The following YWHAZ variants were observed in gnomAD, a reference collection of about 807,000 sequenced individuals.
The protein encoded by YWHAZ is tyrosine 3-monooxygenase/tryptophan 5-monooxygenase activation protein zeta.
For missense variants in YWHAZ, 79 were observed against 284.8 expected (o/e 0.28, Z 5.20); for synonymous variants, 87 against 103.6 (o/e 0.84, Z 0.97).
At chr8:100,937,274 C>A (rs1161074699) in intron 2 of YWHAZ, among the ~76,000 whole-genome samples, 1 of 151,586 alleles carries the variant, frequency 6.6e-6, no homozygotes, top group Non-Finnish European at 1.5e-5. Context: ...CTTTTTCATA[C>A]CCTTTATATG....
At chr8:100,944,894 T>C (rs1475364491) in intron 2 of YWHAZ, among the ~76,000 whole-genome samples, 1 of 152,204 alleles carries the variant, frequency 6.6e-6, no homozygotes, top group Non-Finnish European at 1.5e-5. Context: ...AAAACTAGTT[T>C]GACTCAGTAT....
chr8:100,926,533 T>C (rs1236191176), intron 2 of YWHAZ, among the ~76,000 whole-genome samples: 3 of 152,168 alleles, frequency 2.0e-5, no homozygotes, highest in African/African-American at 7.2e-5. Flanking sequence ...GCAGGAGAAC[T>C]GCTTGAGCCC....
intron 2 of YWHAZ, among the ~76,000 whole-genome samples, chr8:100,926,967 G>T (rs1244460522): frequency 1.3e-5 from 2 of 152,104 alleles, no homozygotes; most frequent in Non-Finnish European, 2.9e-5. Flanking sequence ...AGTGGCTTTG[G>T]GGTGAGTCTG....
At chr8:100,952,999 TG>T, upstream of YWHAZ, 2 of 996,730 alleles carry the variant, frequency 2.0e-6, no homozygotes, top group Non-Finnish European at 2.4e-6. Context: ...GGACAATGGG[TG>T]GGCGCCGAGG....
At chr8:100,951,534 G>A (rs1476352346) in intron 1 of YWHAZ, 4 of 985,488 alleles carry the variant, frequency 4.1e-6, no homozygotes, top group Admixed American at 6.1e-5. Flanking sequence ...CGAGGGAGGG[G>A]GTGGAAGCCC....
Position 100,925,055 on chromosome 8 carries a change from A to C in YWHAZ, c.295-16T>G, listed in dbSNP as rs1280336019. 1 of 1,608,580 alleles carries C rather than the reference A, an allele frequency of 6.2e-7. No homozygotes were observed. Among genetic ancestry groups the C allele is most frequent in the African/African-American group, 1.3e-5 (1 of 74,460 alleles). Reference sequence around the variant, plus strand: ...CCAAAAGAGACTTAAGAAGAAAAGAAACAGACATAGTGAGAATAAAACATT... The same window carrying C: ...CCAAAAGAGACTTAAGAAGAAAAGACACAGACATAGTGAGAATAAAACATT... On this transcript the variant is annotated splice_polypyrimidine_tract_variant and intron_variant, in intron 2 of 5. Coordinates refer to ENST00000395958, the MANE Select transcript of YWHAZ (RefSeq NM_145690.3).
chr8:100,953,204 C>T, upstream of YWHAZ: 1 of 984,970 alleles, frequency 1.0e-6, no homozygotes. Flanking sequence ...TTCTCGTAGG[C>T]TAGGTTTTCC....
intron 2 of YWHAZ, among the ~76,000 whole-genome samples, chr8:100,937,494 T>C (rs556714560): frequency 6.6e-6 from 1 of 152,158 alleles, no homozygotes; most frequent in Non-Finnish European, 1.5e-5. Context: ...CATTAGCAAA[T>C]AGCAAATCCC....
rs1051695009 is a variant in YWHAZ, at chr8:100,919,953, A to G, written c.*740T>C. On this transcript the variant is annotated 3_prime_UTR_variant, in exon 6 of 6. Coordinates refer to ENST00000395958, the MANE Select transcript of YWHAZ (RefSeq NM_145690.3). ...TGTTTTACTGCTGTGCTTGATATAC[A>G]TGAAGTAATGAATACCAAGCAATTC... The G allele has an allele frequency of 1.3e-5, 2 of 152,446 alleles. No individual in the cohort carries two copies. The highest frequency in any genetic ancestry group is 4.8e-5 in the African/African-American group (2 of 41,424). The allele number at this position is 152,446 out of a possible 1,614,324, so 9.4% of individuals were successfully genotyped here. A position where few individuals can be genotyped will look rare whatever the true frequency, so the allele number is the denominator to read the frequency against.
intron 2 of YWHAZ, among the ~76,000 whole-genome samples, chr8:100,928,744 A>G (rs531254727): frequency 6.6e-6 from 1 of 152,300 alleles, no homozygotes; most frequent in East Asian, 1.9e-4. Flanking sequence ...AAAAAGAAAA[A>G]AAAAAAAAGG....
Position 100,922,971 on chromosome 8 carries a change from G to T in YWHAZ, c.678+984C>A, listed in dbSNP as rs990774149. On this transcript the variant is annotated intron_variant, in intron 5 of 5. Transcript: ENST00000395958. The surrounding 1 kb of genome is among the most constrained non-coding windows in gnomAD (Gnocchi z 4.1). The stretch of plus-strand genomic sequence containing the variant: ...CAAGTATCAGAAAAGTTTATAGATA[G>T]CTCCAAATTGTGCTAATAAAGTAAT... The T allele has an allele frequency of 4.6e-5, 7 of 152,246 alleles. No individual in the cohort carries two copies. Among genetic ancestry groups the T allele is most frequent in the Admixed American group, 4.6e-4 (7 of 15,288 alleles). The allele number at this position is 152,246 out of a possible 1,614,324, so 9.4% of individuals were successfully genotyped here.
chr8:100,950,304 G>A (rs1810614090), intron 1 of YWHAZ: 5 of 877,296 alleles, frequency 5.7e-6, no homozygotes, highest in Non-Finnish European at 6.8e-6. Context: ...CAATCACTTC[G>A]GTACAAGAGG....
At chr8:100,923,638 G>C (rs1471148908) in intron 5 of YWHAZ, 1 of 187,248 alleles carries the variant, frequency 5.3e-6, no homozygotes, top group Admixed American at 5.8e-5. Flanking sequence ...CCAATATGGA[G>C]GCAACTTGAT....
At position 100,930,241 on chromosome 8, in the gene YWHAZ, G is replaced by A. The variant is rs1001623559; in HGVS notation, c.295-5202C>T. On this transcript the variant is annotated intron_variant, in intron 2 of 5. Transcript: ENST00000395958. ...AGTCTCCCGAGTAGCCGGGACTGCA[G>A]GCACATGCCATCACACCCAGCTAAT... Among the ~76,000 whole-genome samples the A allele has an allele frequency of 3.6e-4, 55 of 152,198 alleles. 1 individual carries two copies. Among genetic ancestry groups the A allele is most frequent in the Admixed American group, 3.3e-3 (50 of 15,276 alleles).
intron 2 of YWHAZ, among the ~76,000 whole-genome samples, chr8:100,928,708 G>A (rs1324898227): frequency 6.6e-6 from 1 of 151,820 alleles, no homozygotes; most frequent in Non-Finnish European, 1.5e-5. Context: ...ACTCCAGCCT[G>A]GGCAACAAGA....
rs1271879874 is a variant in YWHAZ at position 100,922,291 on chromosome 8, C to T, written c.679-1539G>A. On this transcript the variant is annotated intron_variant, in intron 5 of 5. Transcript: ENST00000395958. The surrounding 1 kb of genome is among the most constrained non-coding windows in gnomAD (Gnocchi z 4.1). ...TTTCTTTTCTTGACAGATAAATGTT[C>T]CAATCAACCTATAATGGTGACAGCT... is the stretch of plus-strand genomic sequence containing the variant. 1 of 152,088 alleles carries T rather than the reference C, an allele frequency of 6.6e-6. No individual in the cohort carries two copies. The highest frequency in any genetic ancestry group is 2.4e-5 in the African/African-American group (1 of 41,412). 9.4% of individuals were successfully genotyped at this position (152,088 alleles called of 1,614,324 possible).
chr8:100,952,089 G>A (rs538382694), upstream of YWHAZ: 33 of 987,106 alleles, frequency 3.3e-5, no homozygotes, highest in South Asian at 1.5e-3. Context: ...CACCAGCCCC[G>A]GCAGCAGGGG....
At chr8:100,950,389 A>G in intron 1 of YWHAZ, 4 of 985,452 alleles carry the variant, frequency 4.1e-6, no homozygotes, top group Non-Finnish European at 4.8e-6. Context: ...GACTCACCGC[A>G]CCCATTTAAC....
chr8:100,930,393 A>G (rs73697338), intron 2 of YWHAZ, among the ~76,000 whole-genome samples: 9,195 of 152,250 alleles, frequency 0.06, 299 homozygotes, highest in African/African-American at 0.083. Flanking sequence ...CACCGCGCCC[A>G]GCCAACTCCA....
Sources: gnomAD v4.1 joint callset for allele counts (sites outside exome capture counted in the v4.1 genomes callset) on GRCh38, gnomAD v4.1.1 for gene constraint, Gnocchi (gnomAD v3.1) non-coding constraint, MANE v1.5 for transcripts, NCBI Gene and HGNC (gene_info 2026-07-23, HGNC 2026-07-21) for gene names.